RSRC1: variants seen among roughly 807,000 people sequenced by gnomAD.
RSRC1 encodes the protein serine/Arginine-related protein 53.
RSRC1 carries 39 observed loss-of-function variants against 49.1 expected under a neutral mutation model. That is an observed-to-expected ratio of 0.79 (90% confidence interval 0.61 to 1.04). The LOEUF (loss-of-function observed/expected upper bound fraction) is 1.04. Ranked by LOEUF, RSRC1 falls within the 50% of genes least tolerant of loss-of-function variation. The probability of loss-of-function intolerance (pLI) is 0.00; values close to 1 mark genes in which losing one functional copy is unlikely to be tolerated. For missense variants in RSRC1, 388 were observed against 402.4 expected, an observed-to-expected ratio of 0.96 and a Z score of 0.31; for synonymous variants, 143 against 130.8, an observed-to-expected ratio of 1.09 and a Z score of -0.63.
At chr3:158,205,464 G>C (rs1721293882) in intron 4 of RSRC1, among the ~76,000 whole-genome samples, 1 of 151,926 alleles carries the variant, frequency 6.6e-6, no homozygotes, top group Non-Finnish European at 1.5e-5. Flanking sequence ...CCTTCTACTT[G>C]TCAGGTACTG....
At position 158,206,904 on chromosome 3, in the gene RSRC1, A is replaced by G. The variant is rs563599487; in HGVS notation, c.494+3659A>G. ...ACTCTAGCCTGGGCGACAAAGTGAG[A>G]CTCCGTTTAAAAAAACAAAAGATAA... On this transcript the variant is annotated intron_variant, in intron 4 of 9. Transcript: ENST00000611884. Among the ~76,000 whole-genome samples the G allele has an allele frequency of 5.3e-5, 8 of 152,114 alleles. No homozygotes were observed. In the South Asian group the frequency reaches 1.2e-3, roughly 24 times the overall value.
At chr3:158,377,658 C>CTT (rs765720304) in intron 6 of RSRC1, among the ~76,000 whole-genome samples, 6 of 144,282 alleles carry the variant, frequency 4.2e-5, no homozygotes, top group African/African-American at 1.3e-4. Context: ...TCCGATATTC[C>CTT]TTTTTTTTTT....
At chr3:158,222,730 C>T (rs1722296172) in intron 4 of RSRC1, among the ~76,000 whole-genome samples, 1 of 151,312 alleles carries the variant, frequency 6.6e-6, no homozygotes, top group African/African-American at 2.4e-5. Flanking sequence ...CTTTTCTGAC[C>T]CAAATTAGCA....
chr3:158,366,754 C>G (rs530908869), intron 6 of RSRC1, among the ~76,000 whole-genome samples: 63 of 152,214 alleles, frequency 4.1e-4, no homozygotes, highest in African/African-American at 1.5e-3. Flanking sequence ...TGGCCATGTT[C>G]ATGATATTGA....
intron 7 of RSRC1, among the ~76,000 whole-genome samples, chr3:158,498,173 G>C (rs575952132): frequency 3.5e-4 from 53 of 151,292 alleles, no homozygotes; most frequent in African/African-American, 1.2e-3. Flanking sequence ...AGCTGTATTA[G>C]TTTACATTCC....
intron 4 of RSRC1, among the ~76,000 whole-genome samples, chr3:158,260,049 G>C (rs184558350): frequency 3.9e-4 from 59 of 152,194 alleles, no homozygotes; most frequent in Admixed American, 3.9e-3. Flanking sequence ...AGGACCCCAG[G>C]TGTCCACTTG....
intron 3 of RSRC1, among the ~76,000 whole-genome samples, chr3:158,128,610 G>A (rs954569231): frequency 1.3e-5 from 2 of 151,980 alleles, no homozygotes; most frequent in African/African-American, 4.8e-5. Flanking sequence ...CACCTCACCT[G>A]GTACAGTAAT....
intron 4 of RSRC1, among the ~76,000 whole-genome samples, chr3:158,237,565 A>G (rs1412752998): frequency 6.6e-6 from 1 of 152,136 alleles, no homozygotes; most frequent in Non-Finnish European, 1.5e-5. Context: ...TTTAGTTTGC[A>G]CTTTTCTGAC....
At chr3:158,431,596 T>C (rs1215404593) in intron 6 of RSRC1, among the ~76,000 whole-genome samples, 1 of 151,928 alleles carries the variant, frequency 6.6e-6, no homozygotes, top group Non-Finnish European at 1.5e-5. Flanking sequence ...TTTTATTTAA[T>C]TGGTCCTATA....
chr3:158,283,880 TC>T (rs1402952599), intron 4 of RSRC1, among the ~76,000 whole-genome samples: 5 of 28,526 alleles, frequency 1.8e-4, no homozygotes, highest in South Asian at 2.1e-3. Context: ...TCATTTGTTT[TC>T]TTTTTTTTTT....
intron 3 of RSRC1, among the ~76,000 whole-genome samples, chr3:158,197,208 C>T (rs1309209248): frequency 6.6e-6 from 1 of 152,148 alleles, no homozygotes; most frequent in Non-Finnish European, 1.5e-5. Flanking sequence ...AGGGATTCAA[C>T]TTCTTCCTGG....
chr3:158,254,439 CT>C (rs567369900), intron 4 of RSRC1, among the ~76,000 whole-genome samples: 12 of 149,664 alleles, frequency 8.0e-5, no homozygotes, highest in Admixed American at 5.3e-4. Flanking sequence ...TGTTTCCTGA[CT>C]TTTTTTTTTG....
At chr3:158,321,500 GA>G (rs1454649528) in intron 5 of RSRC1, among the ~76,000 whole-genome samples, 9 of 150,984 alleles carry the variant, frequency 6.0e-5, no homozygotes, top group South Asian at 2.1e-4. Context: ...ACAAAAAAAG[GA>G]AAAAGTTAAT....
chr3:158,543,624 C>A, intron 9 of RSRC1, 137 bp downstream of exon 9: 1 of 865,230 alleles, frequency 1.2e-6, no homozygotes, highest in Non-Finnish European at 1.7e-6. Flanking sequence ...AAATAGGCAT[C>A]TGGCCCCCAG....
At chr3:158,174,902 G>T (rs968157871) in intron 3 of RSRC1, among the ~76,000 whole-genome samples, 5 of 152,000 alleles carry the variant, frequency 3.3e-5, no homozygotes, top group Non-Finnish European at 7.4e-5. Flanking sequence ...ATATGTGTAT[G>T]TCCAACTTGT....
At chr3:158,415,806 T>C (rs545542163) in intron 6 of RSRC1, among the ~76,000 whole-genome samples, 49 of 152,178 alleles carry the variant, frequency 3.2e-4, no homozygotes, top group African/African-American at 1.2e-3. Context: ...AAATTATTGT[T>C]ATAATTGGTT....
At chr3:158,402,817 G>A (rs532530698) in intron 6 of RSRC1, among the ~76,000 whole-genome samples, 7 of 151,888 alleles carry the variant, frequency 4.6e-5, no homozygotes, top group African/African-American at 1.7e-4. Flanking sequence ...ACTTTTCTCT[G>A]TTGTCCTCAT....
chr3:158,252,130 G>A (rs961516528), intron 4 of RSRC1, among the ~76,000 whole-genome samples: 5 of 151,630 alleles, frequency 3.3e-5, no homozygotes, highest in South Asian at 2.1e-4. Context: ...TTGCCTCTCT[G>A]GGATAAATCT....
intron 6 of RSRC1, among the ~76,000 whole-genome samples, chr3:158,436,964 C>A (rs1736073148): frequency 6.6e-6 from 1 of 151,928 alleles, no homozygotes; most frequent in African/African-American, 2.4e-5. Context: ...AGGATTCAAA[C>A]CGAGACAGTC....
Sources: gnomAD v4.1 joint callset for allele counts (sites outside exome capture counted in the v4.1 genomes callset) on GRCh38, gnomAD v4.1.1 for gene constraint, MANE v1.5 for transcripts, NCBI Gene and HGNC (gene_info 2026-07-23, HGNC 2026-07-21) for gene names.